The following CADPS variants were observed in gnomAD, a reference collection of about 807,000 sequenced individuals.
The protein encoded by CADPS is calcium-dependent secretion activator 1.
Under a neutral mutation model 167.3 loss-of-function variants are expected in CADPS, and 57 were observed. That is an observed-to-expected ratio of 0.34 (90% CI 0.28 to 0.42). The LOEUF is 0.42. CADPS is among the 20% of genes least tolerant of loss of function. The pLI is 1.00. For synonymous variants in CADPS, 676 were observed against 635.3 expected (o/e 1.06, Z -0.96); for missense variants, 1,414 against 1,738.1 (o/e 0.81, Z 3.32).
intron 13 of CADPS, among the ~76,000 whole-genome samples, chr3:62,521,316 A>G (rs1261766816): frequency 1.3e-5 from 2 of 152,084 alleles, no homozygotes; most frequent in African/African-American, 4.8e-5. Context: ...TGGATTTGGA[A>G]CCCAAGATAT....
intron 1 of CADPS, among the ~76,000 whole-genome samples, chr3:62,860,338 A>T (rs1208573193): frequency 6.6e-6 from 1 of 152,174 alleles, no homozygotes; most frequent in Admixed American, 6.5e-5. Flanking sequence ...AAAATCTCCT[A>T]TTCTCTTAAG....
At chr3:62,717,455 T>G (rs778890960) in intron 3 of CADPS, among the ~76,000 whole-genome samples, 18 of 152,332 alleles carry the variant, frequency 1.2e-4, no homozygotes, top group South Asian at 1.0e-3. Flanking sequence ...AGAGAAATTT[T>G]GACTCCGCCC....
chr3:62,782,088 C>A (rs551975293), intron 1 of CADPS, among the ~76,000 whole-genome samples: 1 of 151,970 alleles, frequency 6.6e-6, no homozygotes, highest in African/African-American at 2.4e-5. Flanking sequence ...GAAGGACAGA[C>A]GCATCATTCT....
At chr3:62,673,017 C>T (rs1410946596) in intron 3 of CADPS, among the ~76,000 whole-genome samples, 1 of 152,208 alleles carries the variant, frequency 6.6e-6, no homozygotes, top group Non-Finnish European at 1.5e-5. Flanking sequence ...GTCACCTCTT[C>T]TAGGCCACCC....
chr3:62,796,020 T>G (rs999067501), intron 1 of CADPS: 3 of 152,246 alleles, frequency 2.0e-5, no homozygotes, highest in Non-Finnish European at 2.9e-5. Context: ...ATGGAAAGTC[T>G]TGAATCATGT....
intron 1 of CADPS, among the ~76,000 whole-genome samples, chr3:62,828,780 A>T (rs2074530590): frequency 6.6e-6 from 1 of 152,170 alleles, no homozygotes; most frequent in South Asian, 2.1e-4. Context: ...TTTAAATTTC[A>T]ATTTTGCTTA....
intron 28 of CADPS, among the ~76,000 whole-genome samples, chr3:62,407,135 ACATCATCATCAT>A (rs79885636): frequency 7.3e-5 from 11 of 151,114 alleles, no homozygotes; most frequent in South Asian, 2.1e-4. Context: ...ACTGCAATCA[ACATCATCATCAT>A]CATCATCATC....
rs1180870652 is a variant in CADPS, at chr3:62,513,904, G to A, written c.2582-1136C>T. 3.9e-5 allele frequency among the ~76,000 whole-genome samples: 6 copies of A among 151,962 alleles called. No homozygotes were observed. In the South Asian group the frequency reaches 1.0e-3, roughly 26 times the overall value. On this transcript the variant is annotated intron_variant, in intron 16 of 29. Transcript: ENST00000383710. ...AACCATTCAGCATGCCGTGAGTCAC[G>A]AGAGAGATTGTGACCATGATTTTAC...
intron 26 of CADPS, among the ~76,000 whole-genome samples, chr3:62,463,422 G>A (rs1251355443): frequency 1.3e-5 from 2 of 152,202 alleles, no homozygotes; most frequent in Non-Finnish European, 1.5e-5. Flanking sequence ...TTCCAGAAAT[G>A]TTGCACTGAA....
intron 24 of CADPS, chr3:62,469,664 C>G (rs185007713): frequency 5.7e-6 from 1 of 174,412 alleles, no homozygotes; most frequent in South Asian, 1.0e-4. Flanking sequence ...TGCGCCACCA[C>G]GCCCAGCTCA....
At chr3:62,582,613 C>T (rs1275405430) in intron 8 of CADPS, among the ~76,000 whole-genome samples, 1 of 152,188 alleles carries the variant, frequency 6.6e-6, no homozygotes, top group African/African-American at 2.4e-5. Flanking sequence ...GTCCCTTAGG[C>T]AACTAAGGTT....
intron 8 of CADPS, among the ~76,000 whole-genome samples, chr3:62,574,106 C>A (rs375290157): frequency 7.2e-5 from 11 of 152,310 alleles, no homozygotes; most frequent in Admixed American, 5.2e-4. Context: ...CACTGCAACT[C>A]CCCAGTCAAG....
At chr3:62,698,929 T>C (rs924891660) in intron 3 of CADPS, among the ~76,000 whole-genome samples, 1 of 151,462 alleles carries the variant, frequency 6.6e-6, no homozygotes, top group Non-Finnish European at 1.5e-5. Context: ...TTCTGACTGA[T>C]AATAATTTTG....
intron 26 of CADPS, among the ~76,000 whole-genome samples, chr3:62,448,893 C>G (rs890004951): frequency 6.6e-6 from 1 of 152,040 alleles, no homozygotes; most frequent in South Asian, 2.1e-4. Flanking sequence ...GGATTACAGG[C>G]GTGAGCCACC....
chr3:62,813,486 T>A (rs1192545969), intron 1 of CADPS, among the ~76,000 whole-genome samples: 1 of 152,060 alleles, frequency 6.6e-6, no homozygotes, highest in Non-Finnish European at 1.5e-5. Flanking sequence ...AAGACTTAAC[T>A]GTAAGTCCTA....
In CADPS at chr3:62,631,246, A is replaced by G. The variant is rs372138943; in HGVS notation, c.1325+14476T>C. Among the ~76,000 whole-genome samples, 13 of 152,266 alleles carry G rather than the reference A, an allele frequency of 8.5e-5. No homozygotes were observed. In the East Asian group the frequency reaches 9.6e-4, roughly 11 times the overall value. ...GTTAATCTGAGTTTACTGTAATTAA[A>G]ACTAATTGTATTAACCTTGGTTTTA... On this transcript the variant is annotated intron_variant, in intron 6 of 29. Transcript: ENST00000383710.
Position 62,749,122 on chromosome 3 carries a change from G to A in CADPS, c.888+4319C>T, listed in dbSNP as rs188224265. 4.4e-4 allele frequency among the ~76,000 whole-genome samples: 67 copies of A among 152,344 alleles called. 1 individual carries two copies. Among genetic ancestry groups the A allele is most frequent in the Non-Finnish European group, 7.8e-4 (53 of 68,030 alleles). ...TTTGCCATTTTACTTTGGATATTAT[G>A]TTGAGTATGAATTTCTTCTATGAGA... On this transcript the variant is annotated intron_variant, in intron 3 of 29. Transcript: ENST00000383710.
intron 20 of CADPS, 56 bp from the exon 21 acceptor site, chr3:62,491,536 AACAC>A (rs34655412): frequency 4.5e-4 from 453 of 1,004,268 alleles, no homozygotes; most frequent in East Asian, 1.1e-3. Context: ...ATCAACGTAC[AACAC>A]ACACACACAC....
intron 9 of CADPS, among the ~76,000 whole-genome samples, chr3:62,558,994 G>C (rs1453045927): frequency 6.6e-6 from 1 of 152,134 alleles, no homozygotes; most frequent in East Asian, 1.9e-4. Flanking sequence ...TCCCATCCCA[G>C]CTCTGATAAG....
Sources: gnomAD v4.1 joint callset for allele counts (sites outside exome capture counted in the v4.1 genomes callset) on GRCh38, gnomAD v4.1.1 for gene constraint, MANE v1.5 for transcripts, NCBI Gene and HGNC (gene_info 2026-07-23, HGNC 2026-07-21) for gene names.